Variants in GRID2 observed in about 807,000 individuals in gnomAD.
The protein encoded by GRID2 is glutamate receptor ionotropic, delta-2.
A neutral mutation model predicts 114.8 loss-of-function variants in GRID2; 33 were observed. The ratio of observed to expected loss-of-function variants is 0.29; its 90% CI spans 0.22 to 0.38. GRID2 has a LOEUF of 0.38. GRID2 is among the 10% of genes least tolerant of loss of function. The pLI, the probability that GRID2 is intolerant of heterozygous loss-of-function variation, is 1.00. For missense variants in GRID2, 1,184 were observed against 1,257.7 expected (o/e 0.94, Z 0.89); for synonymous variants, 505 against 449.9 (o/e 1.12, Z -1.55).
intron 1 of GRID2, among the ~76,000 whole-genome samples, chr4:92,551,254 C>CTGTGTGTGTGTGTGTGTGTG (rs34809917): frequency 1.4e-5 from 2 of 146,872 alleles, no homozygotes. Flanking sequence ...ACATCTACAC[C>CTGTGTGTGTGTGTGTGTGTG]TGTGTGTGTG....
At chr4:93,116,019 T>G (rs1733210015) in intron 4 of GRID2, among the ~76,000 whole-genome samples, 1 of 152,190 alleles carries the variant, frequency 6.6e-6, no homozygotes, top group South Asian at 2.1e-4. Flanking sequence ...TTTATTAGTT[T>G]GTCATCTCTT....
intron 8 of GRID2, among the ~76,000 whole-genome samples, chr4:93,336,796 A>G (rs1759137614): frequency 6.6e-6 from 1 of 152,162 alleles, no homozygotes; most frequent in African/African-American, 2.4e-5. Context: ...TGTATCATTT[A>G]TATTACATTA....
intron 2 of GRID2, among the ~76,000 whole-genome samples, chr4:93,011,767 C>G (rs149192657): frequency 2.2e-3 from 329 of 152,108 alleles, no homozygotes; most frequent in African/African-American, 7.4e-3. Flanking sequence ...AGTTTTTATC[C>G]ACCTAAAGTT....
At chr4:92,566,268 C>A (rs1727329971) in intron 1 of GRID2, among the ~76,000 whole-genome samples, 1 of 151,428 alleles carries the variant, frequency 6.6e-6, no homozygotes, top group South Asian at 2.1e-4. Context: ...TTATTCAATT[C>A]AATATGGAAA....
At chr4:92,851,361 A>G (rs899637135) in intron 2 of GRID2, among the ~76,000 whole-genome samples, 1 of 151,964 alleles carries the variant, frequency 6.6e-6, no homozygotes, top group Admixed American at 6.6e-5. Context: ...TATTAAAGCA[A>G]TGAGGCAAAG....
chr4:93,329,889 G>A (rs1407217260), intron 8 of GRID2, among the ~76,000 whole-genome samples: 1 of 149,680 alleles, frequency 6.7e-6, no homozygotes, highest in Non-Finnish European at 1.5e-5. Flanking sequence ...AAAAGAGCCA[G>A]GCTCACTGGA....
chr4:93,697,147 G>C (rs1469349337), intron 14 of GRID2, among the ~76,000 whole-genome samples: 1 of 152,140 alleles, frequency 6.6e-6, no homozygotes, highest in Non-Finnish European at 1.5e-5. Context: ...GGAATTTAGA[G>C]ACAAGGATTT....
intron 1 of GRID2, among the ~76,000 whole-genome samples, chr4:92,522,894 G>A (rs921933588): frequency 6.6e-6 from 1 of 151,942 alleles, no homozygotes; most frequent in African/African-American, 2.4e-5. Flanking sequence ...TAGATATTCA[G>A]AAATTTGCAT....
In GRID2 at chr4:93,085,111, C is replaced by G; in HGVS notation, c.361C>G (p.Arg121Gly). The change falls in exon 3 of 16, where the codon CGC becomes GGC. Residue 121 changes from arginine to glycine, a missense_variant. By Grantham distance (125) the Arg-to-Gly change is moderately radical. Coordinates refer to ENST00000282020, the MANE Select transcript of GRID2 (RefSeq NM_001510.4). ...GCATATCCCCCACCTCTTCATTCAG[C>G]GCTCAACAGCTGGGACCCCAAGGAG... The part of the protein sequence containing the change: ...AMHIPHLFIQ[R>G]STAGTPRSGC... 1.2e-6 allele frequency: 2 copies of G among 1,614,110 alleles called. No individual in the cohort carries two copies. The highest frequency in any genetic ancestry group is 1.7e-6 in the Non-Finnish European group (2 of 1,179,994).
At position 93,122,137 on chromosome 4, in the gene GRID2, C is replaced by T. The variant is rs561318737; in HGVS notation, c.735+11184C>T. ...ATTATTACATTTTTTGTAGTTAGTA[C>T]TTTTTGTCTTTTTTAAAAGAATGCT... On this transcript the variant is annotated intron_variant, in intron 4 of 15. Coordinates refer to ENST00000282020, the MANE Select transcript of GRID2 (RefSeq NM_001510.4). 1.4e-4 allele frequency among the ~76,000 whole-genome samples: 21 copies of T among 152,138 alleles called. No homozygotes were observed. The East Asian group carries it at 4.1e-3, about 29-fold the overall frequency.
intron 14 of GRID2, among the ~76,000 whole-genome samples, chr4:93,680,894 A>T (rs1325644897): frequency 2.6e-5 from 4 of 151,504 alleles, no homozygotes; most frequent in African/African-American, 9.8e-5. Flanking sequence ...CTCTCTCGCC[A>T]CTCCTATTCA....
intron 1 of GRID2, among the ~76,000 whole-genome samples, chr4:92,534,838 A>G (rs1725532263): frequency 6.6e-6 from 1 of 152,136 alleles, no homozygotes; most frequent in Non-Finnish European, 1.5e-5. Flanking sequence ...GAGTGAGTAT[A>G]TTTCAATGAA....
At chr4:92,802,436 T>C (rs2149373082) in intron 2 of GRID2, among the ~76,000 whole-genome samples, 1 of 152,016 alleles carries the variant, frequency 6.6e-6, no homozygotes, top group East Asian at 1.9e-4. Context: ...AAAAATTCTC[T>C]GTGCTTTGTG....
At chr4:92,786,902 C>T (rs1409144507) in intron 2 of GRID2, among the ~76,000 whole-genome samples, 3 of 151,890 alleles carry the variant, frequency 2.0e-5, no homozygotes, top group Admixed American at 6.6e-5. Context: ...TAAAAGATTA[C>T]AAATGCAGAC....
intron 2 of GRID2, among the ~76,000 whole-genome samples, chr4:92,944,583 A>T (rs1751466480): frequency 6.6e-6 from 1 of 152,084 alleles, no homozygotes; most frequent in Non-Finnish European, 1.5e-5. Context: ...CCACTGTCTG[A>T]CACTCCCCAG....
intron 13 of GRID2, among the ~76,000 whole-genome samples, chr4:93,604,330 C>A (rs1739986257): frequency 6.6e-6 from 1 of 152,106 alleles, no homozygotes; most frequent in South Asian, 2.1e-4. Flanking sequence ...TGTAATTAGA[C>A]ATAACTGTAA....
chr4:93,494,422 C>G (rs1234787071), intron 12 of GRID2, among the ~76,000 whole-genome samples: 1 of 151,690 alleles, frequency 6.6e-6, no homozygotes, highest in East Asian at 1.9e-4. Context: ...TTGACAGAAA[C>G]TCTTCCACTT....
intron 8 of GRID2, among the ~76,000 whole-genome samples, chr4:93,285,316 T>G (rs1753038395): frequency 6.6e-6 from 1 of 152,094 alleles, no homozygotes; most frequent in South Asian, 2.1e-4. Flanking sequence ...GCCCTGATAC[T>G]TCTGCTTTTG....
intron 14 of GRID2, among the ~76,000 whole-genome samples, chr4:93,735,018 AT>A (rs1161888822): frequency 6.6e-6 from 1 of 152,064 alleles, no homozygotes; most frequent in Non-Finnish European, 1.5e-5. Flanking sequence ...GGAAATATTA[AT>A]ACTAATAAAG....
Sources: allele counts gnomAD v4.1 joint callset (sites outside exome capture counted in the v4.1 genomes callset), GRCh38; gene constraint gnomAD v4.1.1; transcripts MANE v1.5; gene names NCBI Gene and HGNC (gene_info 2026-07-23, HGNC 2026-07-21).